The following FNDC3B variants were observed in gnomAD, a reference collection of about 807,000 sequenced individuals.
FNDC3B encodes the protein fibronectin type III domain containing 3B.
Under a neutral mutation model 151.5 loss-of-function variants are expected in FNDC3B, and 12 were observed. The ratio of observed to expected loss-of-function variants is 0.08; its 90% confidence interval spans 0.05 to 0.13. The LOEUF (loss-of-function observed/expected upper bound fraction) is 0.13, where lower values mean the gene tolerates loss of function less well. Among genes scored for constraint, FNDC3B ranks in the 10% least tolerant of loss-of-function variants. The pLI is 1.00. For missense variants in FNDC3B, 1,214 were observed against 1,505.3 expected, an observed-to-expected ratio of 0.81 and a Z score of 3.20; for synonymous variants, 528 against 549.0, an observed-to-expected ratio of 0.96 and a Z score of 0.54.
intron 3 of FNDC3B, among the ~76,000 whole-genome samples, chr3:172,181,415 C>CA (rs1283436921): frequency 0.14 from 13,730 of 100,946 alleles, 873 homozygotes; most frequent in South Asian, 0.21. Context: ...AAAAAAAAAA[C>CA]AAAAAAAAAC....
intron 3 of FNDC3B, among the ~76,000 whole-genome samples, chr3:172,145,038 T>C (rs1721830985): frequency 6.6e-6 from 1 of 151,908 alleles, no homozygotes; most frequent in South Asian, 2.1e-4. Context: ...AAAGATTATT[T>C]CCCCCCTAAG....
intron 4 of FNDC3B, among the ~76,000 whole-genome samples, chr3:172,245,610 C>T (rs1727738422): frequency 6.6e-6 from 1 of 152,150 alleles, no homozygotes; most frequent in South Asian, 2.1e-4. Context: ...CAGCATGCAG[C>T]TCTATGTTTT....
chr3:172,116,162 A>G (rs1440587153), intron 2 of FNDC3B, among the ~76,000 whole-genome samples: 4 of 152,262 alleles, frequency 2.6e-5, no homozygotes, highest in Admixed American at 2.6e-4. Flanking sequence ...AGTCATCCTC[A>G]TTACGAATGA....
intron 3 of FNDC3B, among the ~76,000 whole-genome samples, chr3:172,138,574 A>G (rs1160239742): frequency 6.6e-6 from 1 of 152,198 alleles, no homozygotes; most frequent in Non-Finnish European, 1.5e-5. Context: ...TAATACTGTA[A>G]TTTTTTATTT....
At chr3:172,331,086 AT>A (rs1732634580) in intron 13 of FNDC3B, among the ~76,000 whole-genome samples, 1 of 152,242 alleles carries the variant, frequency 6.6e-6, no homozygotes, top group Admixed American at 6.5e-5. Flanking sequence ...TTATTGGATT[AT>A]AGCCTCTTAA....
At chr3:172,119,853 A>G (rs1210491888) in intron 2 of FNDC3B, among the ~76,000 whole-genome samples, 5 of 152,230 alleles carry the variant, frequency 3.3e-5, no homozygotes, top group Middle Eastern at 3.4e-3. Flanking sequence ...GGCAGATCAC[A>G]AGCACCCCCC....
chr3:172,167,578 C>T (rs1232514019), intron 3 of FNDC3B, among the ~76,000 whole-genome samples: 2 of 152,204 alleles, frequency 1.3e-5, no homozygotes, highest in Non-Finnish European at 2.9e-5. Flanking sequence ...ATGCTTTCCA[C>T]AGCCTATGAG....
intron 2 of FNDC3B, chr3:172,126,883 C>T (rs1576888809): frequency 6.3e-6 from 2 of 315,684 alleles, no homozygotes; most frequent in East Asian, 1.6e-4. Flanking sequence ...TAATTCAAAC[C>T]ATTTTGTAGA....
At chr3:172,137,465 G>A (rs1337600770) in intron 3 of FNDC3B, among the ~76,000 whole-genome samples, 1 of 152,110 alleles carries the variant, frequency 6.6e-6, no homozygotes, top group East Asian at 1.9e-4. Context: ...AGACTAGCCT[G>A]GGCAACATAG....
chr3:172,310,059 C>T (rs927673144), intron 10 of FNDC3B, among the ~76,000 whole-genome samples: 8 of 152,138 alleles, frequency 5.3e-5, no homozygotes, highest in Non-Finnish European at 1.0e-4. Flanking sequence ...GTTGCTTCCC[C>T]CAACTTGTAG....
chr3:172,319,195 G>A (rs551985434), intron 11 of FNDC3B, among the ~76,000 whole-genome samples: 25 of 152,270 alleles, frequency 1.6e-4, no homozygotes, highest in African/African-American at 5.8e-4. Flanking sequence ...TTCTCATCGT[G>A]AGCTGGAAGA....
chr3:172,236,605 A>G (rs1727177924), intron 4 of FNDC3B, among the ~76,000 whole-genome samples: 1 of 152,144 alleles, frequency 6.6e-6, no homozygotes, highest in Non-Finnish European at 1.5e-5. Context: ...CTACTTTGAG[A>G]TGAGGCCTCG....
chr3:172,330,012 T>C (rs186475203), intron 12 of FNDC3B: 1 of 152,278 alleles, frequency 6.6e-6, no homozygotes, highest in Admixed American at 6.5e-5. Context: ...AACATTGCCT[T>C]GTGCTATACC....
rs79551956 is a variant in FNDC3B, at chr3:172,121,305, C to T, written c.111+8715C>T. Among the ~76,000 whole-genome samples the T allele has an allele frequency of 4.7e-3, 715 of 152,252 alleles. 5 individuals carry two copies. Among genetic ancestry groups the T allele is most frequent in the African/African-American group, 0.016 (656 of 41,526 alleles). ...TTAAAATCTTTTAGTTATCTACTTG[C>T]CCCATGACTTGTAAAATGAATTAGG... is the stretch of plus-strand genomic sequence containing the variant. On this transcript the variant is annotated intron_variant, in intron 2 of 25. Coordinates refer to ENST00000415807, the MANE Select transcript of FNDC3B (RefSeq NM_022763.4).
intron 10 of FNDC3B, among the ~76,000 whole-genome samples, chr3:172,309,464 GAGATGGGTTCTCA>G (rs1731356958): frequency 8.3e-6 from 1 of 120,670 alleles, no homozygotes; most frequent in African/African-American, 3.1e-5. Flanking sequence ...TCTCATCTTA[GAGATGGGTTCTCA>G]TCTTAGAGAA....
At chr3:172,244,659 C>CT (rs1727684818) in intron 4 of FNDC3B, among the ~76,000 whole-genome samples, 1 of 114,368 alleles carries the variant, frequency 8.7e-6, no homozygotes, top group Non-Finnish European at 1.6e-5. Context: ...GCGTCTCCGT[C>CT]TGTCACCCAG....
chr3:172,262,008 A>AAGACTGGAAAATAACG (rs1197471833), intron 6 of FNDC3B, among the ~76,000 whole-genome samples: 3 of 152,158 alleles, frequency 2.0e-5, no homozygotes. Context: ...ATGGTTCAGG[A>AAGACTGGAAAATAACG]AGACTGGAAA....
intron 1 of FNDC3B, among the ~76,000 whole-genome samples, chr3:172,053,188 C>G (rs1716752728): frequency 6.6e-6 from 1 of 152,110 alleles, no homozygotes; most frequent in South Asian, 2.1e-4. Flanking sequence ...GTAGGTGTTT[C>G]TAGTGTCCAC....
intron 21 of FNDC3B, 123 bp downstream of exon 21, chr3:172,347,484 C>A: frequency 1.6e-6 from 1 of 613,942 alleles, no homozygotes; most frequent in South Asian, 4.7e-5. Context: ...AAAAAAGAGT[C>A]CATTTAAATA....
Sources: gnomAD v4.1 joint callset for allele counts (sites outside exome capture counted in the v4.1 genomes callset) on GRCh38, gnomAD v4.1.1 for gene constraint, MANE v1.5 for transcripts, NCBI Gene and HGNC (gene_info 2026-07-23, HGNC 2026-07-21) for gene names.